TMEM131L: variants seen among roughly 807,000 people sequenced by gnomAD.
TMEM131L encodes transmembrane protein 131-like.
Under a neutral mutation model 192.2 loss-of-function variants are expected in TMEM131L, and 54 were observed. The observed-to-expected ratio is 0.28, with a 90% CI of 0.23 to 0.35. TMEM131L has a LOEUF of 0.35. Ranked by LOEUF, TMEM131L falls within the 10% of genes least tolerant of loss-of-function variation. TMEM131L has a pLI of 1.00. For synonymous variants in TMEM131L, 701 were observed against 704.9 expected, an observed-to-expected ratio of 0.99 and a Z score of 0.09; for missense variants, 1,888 against 1,972.9, an observed-to-expected ratio of 0.96 and a Z score of 0.82.
intron 3 of TMEM131L, among the ~76,000 whole-genome samples, chr4:153,519,675 G>T (rs1453901204): frequency 6.6e-6 from 1 of 152,136 alleles, no homozygotes. Flanking sequence ...ATAGATAATT[G>T]GACCAATTTC....
chr4:153,537,631 TC>T (rs1217575870), intron 3 of TMEM131L, among the ~76,000 whole-genome samples: 1 of 152,168 alleles, frequency 6.6e-6, no homozygotes, highest in Non-Finnish European at 1.5e-5. Flanking sequence ...CTTGTGGCCA[TC>T]TTGGTTTTGG....
chr4:153,554,177 A>C (rs1208386386), intron 4 of TMEM131L: 1 of 152,184 alleles, frequency 6.6e-6, no homozygotes, highest in East Asian at 1.9e-4. Flanking sequence ...AGAAGTCCTT[A>C]TTTATTTAAT....
At chr4:153,532,644 G>A (rs1047383452) in intron 3 of TMEM131L, among the ~76,000 whole-genome samples, 11 of 151,730 alleles carry the variant, frequency 7.2e-5, no homozygotes, top group African/African-American at 2.2e-4. Context: ...ACTTTTCGAC[G>A]GACACTTTTT....
chr4:153,558,395 G>T, intron 7 of TMEM131L, 27 bp downstream of exon 7: 1 of 1,397,640 alleles, frequency 7.2e-7, no homozygotes, highest in Non-Finnish European at 1.0e-6. Flanking sequence ...TACTTTGAAT[G>T]CTGGTGGCCA....
At chr4:153,609,901 G>T (rs888388701) in intron 25 of TMEM131L, among the ~76,000 whole-genome samples, 2 of 152,032 alleles carry the variant, frequency 1.3e-5, no homozygotes, top group Non-Finnish European at 2.9e-5. Flanking sequence ...TCTTTTTCTG[G>T]TACGGACCCT....
intron 21 of TMEM131L, 115 bp downstream of exon 21, chr4:153,598,847 A>C (rs1158798150): frequency 2.4e-6 from 2 of 823,384 alleles, no homozygotes; most frequent in Non-Finnish European, 3.4e-6. Flanking sequence ...TAAATTCTAA[A>C]AATTTATAGT....
At chr4:153,603,767 G>A (rs1732012858) in intron 24 of TMEM131L, 35 bp from the exon 25 acceptor site, 1 of 1,542,152 alleles carries the variant, frequency 6.5e-7, no homozygotes, top group Non-Finnish European at 8.7e-7. Flanking sequence ...GATTTGATTT[G>A]CCTCTATGCT....
chr4:153,512,169 G>T (rs1734401840), intron 3 of TMEM131L, among the ~76,000 whole-genome samples: 1 of 152,142 alleles, frequency 6.6e-6, no homozygotes. Context: ...GGTCAGAATG[G>T]ATACGTTTAA....
At chr4:153,546,982 A>G (rs144286087) in intron 3 of TMEM131L, among the ~76,000 whole-genome samples, 27 of 152,322 alleles carry the variant, frequency 1.8e-4, no homozygotes, top group African/African-American at 6.3e-4. Flanking sequence ...TACTCTCCAG[A>G]TCATTACCTA....
At chr4:153,610,292 T>C (rs1732522697) in intron 25 of TMEM131L, among the ~76,000 whole-genome samples, 2 of 152,202 alleles carry the variant, frequency 1.3e-5, no homozygotes. Flanking sequence ...TCCCGGTTAT[T>C]AAAGGAAGCA....
chr4:153,566,261 G>A (rs1459175574), intron 7 of TMEM131L, among the ~76,000 whole-genome samples: 3 of 151,648 alleles, frequency 2.0e-5, no homozygotes, highest in African/African-American at 4.8e-5. Context: ...TCAGCCTCCC[G>A]AGTAGCTGGG....
intron 3 of TMEM131L, among the ~76,000 whole-genome samples, chr4:153,488,913 C>T (rs575708829): frequency 2.0e-5 from 3 of 152,224 alleles, no homozygotes; most frequent in South Asian, 4.1e-4. Context: ...TGTCGCACAG[C>T]GCTCTCCCTG....
chr4:153,483,426 G>T (rs919481292), intron 3 of TMEM131L, among the ~76,000 whole-genome samples: 4 of 149,096 alleles, frequency 2.7e-5, no homozygotes, highest in Non-Finnish European at 5.9e-5. Flanking sequence ...AGGAGGCTGG[G>T]TGTGGTGGCT....
intron 3 of TMEM131L, among the ~76,000 whole-genome samples, chr4:153,506,476 T>C (rs965646060): frequency 6.6e-6 from 1 of 152,196 alleles, no homozygotes; most frequent in Non-Finnish European, 1.5e-5. Context: ...TTCTGTACTT[T>C]AAGCCCTTAC....
At chr4:153,612,909 A>C (rs543347117) in intron 26 of TMEM131L, among the ~76,000 whole-genome samples, 1 of 152,328 alleles carries the variant, frequency 6.6e-6, no homozygotes, top group East Asian at 1.9e-4. Context: ...TTGATACATC[A>C]TAATGGGAAT....
At chr4:153,547,821 G>A (rs1179939958) in intron 3 of TMEM131L, among the ~76,000 whole-genome samples, 1 of 152,174 alleles carries the variant, frequency 6.6e-6, no homozygotes, top group Non-Finnish European at 1.5e-5. Flanking sequence ...TTTGGGCTCT[G>A]CCTTTTAGTA....
chr4:153,479,473 A>G (rs996675111), intron 3 of TMEM131L, among the ~76,000 whole-genome samples: 1 of 152,176 alleles, frequency 6.6e-6, no homozygotes, highest in African/African-American at 2.4e-5. Flanking sequence ...ATGCCCTGGG[A>G]AGCATGTCTG....
chr4:153,466,761 G>A (rs1288368290), intron 1 of TMEM131L, among the ~76,000 whole-genome samples: 4 of 152,146 alleles, frequency 2.6e-5, no homozygotes. Context: ...ACCGCTAGCC[G>A]CTCGCGCCCT....
chr4:153,618,165 C>T (rs1388976518), intron 26 of TMEM131L, among the ~76,000 whole-genome samples: 1 of 152,106 alleles, frequency 6.6e-6, no homozygotes, highest in East Asian at 1.9e-4. Context: ...GGAAATGTTT[C>T]TCCACACTGC....
Sources: gnomAD v4.1 joint callset for allele counts (sites outside exome capture counted in the v4.1 genomes callset) on GRCh38, gnomAD v4.1.1 for gene constraint, MANE v1.5 for transcripts, NCBI Gene and HGNC (gene_info 2026-07-23, HGNC 2026-07-21) for gene names.